The following PREX1 variants were observed in gnomAD, a reference collection of about 807,000 sequenced individuals.
The protein encoded by PREX1 is phosphatidylinositol-3,4,5-trisphosphate dependent Rac exchange factor 1, also known as phosphatidylinositol 3,4,5-trisphosphate-dependent Rac exchanger 1 protein.
PREX1 carries 41 observed loss-of-function variants against 198.3 expected under a neutral mutation model. That is an observed-to-expected ratio of 0.21 (90% CI 0.16 to 0.27). PREX1 has a LOEUF of 0.27. Ranked by LOEUF, PREX1 falls within the 10% of genes least tolerant of loss-of-function variation. The pLI is 1.00. For missense variants in PREX1, 1,620 were observed against 2,200.7 expected (o/e 0.74, Z 5.28); for synonymous variants, 843 against 887.2 (o/e 0.95, Z 0.89).
intron 1 of PREX1, among the ~76,000 whole-genome samples, chr20:48,772,426 C>T (rs756747505): frequency 4.6e-5 from 7 of 152,140 alleles, no homozygotes; most frequent in East Asian, 1.9e-4. Context: ...CTGGGTGAGA[C>T]GTGCCCATGG....
At chr20:48,779,806 G>C (rs1335875258) in intron 1 of PREX1, among the ~76,000 whole-genome samples, 1 of 152,180 alleles carries the variant, frequency 6.6e-6, no homozygotes, top group African/African-American at 2.4e-5. Context: ...AGAAAAGGCA[G>C]AACTACAGGG....
the PREX1 span, among the ~76,000 whole-genome samples, chr20:48,834,938 G>A: frequency 6.6e-6 from 1 of 152,048 alleles, no homozygotes; most frequent in Non-Finnish European, 1.5e-5. Context: ...TGTCTTTTTA[G>A]TAGAGATGGG....
At chr20:48,695,526 T>A (rs1568828144) in intron 7 of PREX1, among the ~76,000 whole-genome samples, 1 of 152,274 alleles carries the variant, frequency 6.6e-6, no homozygotes, top group Non-Finnish European at 1.5e-5. Context: ...TGTACTGATT[T>A]TCCCATGCCC....
upstream of PREX1, among the ~76,000 whole-genome samples, chr20:48,832,004 C>T (rs145707087): frequency 6.3e-3 from 964 of 152,168 alleles, 9 homozygotes; most frequent in African/African-American, 0.021. Context: ...CCCCATCACC[C>T]GTCCGGAATA....
At chr20:48,817,896 G>A (rs1234516441) in intron 1 of PREX1, among the ~76,000 whole-genome samples, 1 of 152,170 alleles carries the variant, frequency 6.6e-6, no homozygotes, top group Non-Finnish European at 1.5e-5. Context: ...CTCTTGGCAT[G>A]CCTGTGACAT....
At position 48,681,165 on chromosome 20, in the gene PREX1, G is replaced by A. The variant is rs1173861442; in HGVS notation, c.1435+70C>T. 8.3e-6 allele frequency: 11 copies of A among 1,326,968 alleles called. No individual in the cohort carries two copies. The East Asian group carries it at 1.6e-4, about 19-fold the overall frequency. The allele number at this position is 1,326,968 out of a possible 1,614,324, so 82.2% of individuals were successfully genotyped here. A position where few individuals can be genotyped will look rare whatever the true frequency, so the allele number is the denominator to read the frequency against. The stretch of plus-strand genomic sequence containing the variant: ...AGGATAGGAGCTGCCTGAGCTAGTG[G>A]AAGCATGGCACAGTTGGGGTCTGAC... On this transcript the variant is annotated intron_variant, in intron 11 of 39. Transcript: ENST00000371941.
At chr20:48,665,238 C>A (rs537922687) in intron 15 of PREX1, among the ~76,000 whole-genome samples, 79 of 148,148 alleles carry the variant, frequency 5.3e-4, no homozygotes, top group African/African-American at 1.9e-3. Flanking sequence ...ATCCTGGCTC[C>A]AGATGGCCTG....
chr20:48,653,584 AC>A, intron 19 of PREX1, 87 bp from the exon 20 acceptor site: 1 of 1,507,420 alleles, frequency 6.6e-7, no homozygotes, highest in South Asian at 1.2e-5. Context: ...CACCACTGCA[AC>A]CCCAGACACG....
At chr20:48,660,281 C>T (rs1314566800) in intron 15 of PREX1, among the ~76,000 whole-genome samples, 1 of 152,240 alleles carries the variant, frequency 6.6e-6, no homozygotes, top group Non-Finnish European at 1.5e-5. Flanking sequence ...GAACTTGCCT[C>T]ACCTGCTATA....
In PREX1 at chr20:48,632,344, C is replaced by T. The variant is rs766643614; in HGVS notation, c.4459G>A (p.Glu1487Lys). 6.2e-7 allele frequency: 1 copy of T among 1,614,080 alleles called. No individual in the cohort carries two copies. The highest frequency in any genetic ancestry group is 8.5e-7 in the Non-Finnish European group (1 of 1,180,024). Residue 1487 changes from glutamate to lysine, a missense_variant, in exon 35 of 40, where the codon GAG becomes AAG. This residue lies in a region of PREX1 where 476 missense variants were observed against 603.4 expected (regional missense o/e 0.79). Coordinates refer to ENST00000371941, the MANE Select transcript of PREX1 (RefSeq NM_020820.4). ...GLPSPGSQAA[E>K]DLQQDINAQS... ...GCGTTGATGTCCTGCTGCAAATCCTCCGCGGCCTGGCTGCCTGGAGAAGGC... is the reference window on the plus strand; with the variant it reads ...GCGTTGATGTCCTGCTGCAAATCCTTCGCGGCCTGGCTGCCTGGAGAAGGC...
intron 11 of PREX1, among the ~76,000 whole-genome samples, chr20:48,680,900 T>C (rs944918472): frequency 1.3e-5 from 2 of 152,198 alleles, no homozygotes; most frequent in Non-Finnish European, 2.9e-5. Context: ...CCTCCTCCCG[T>C]TCATTGTGGT....
At chr20:48,793,519 G>T (rs1044526813) in intron 1 of PREX1, among the ~76,000 whole-genome samples, 1 of 152,222 alleles carries the variant, frequency 6.6e-6, no homozygotes, top group East Asian at 1.9e-4. Context: ...GGTACAGAGA[G>T]ATTAAGGGTA....
intron 1 of PREX1, among the ~76,000 whole-genome samples, chr20:48,809,180 G>A (rs1210162951): frequency 6.6e-6 from 1 of 152,226 alleles, no homozygotes; most frequent in East Asian, 1.9e-4. Flanking sequence ...AATAGTCAAG[G>A]AAGGCCTCCC....
chr20:48,881,368 T>A, the PREX1 span, among the ~76,000 whole-genome samples: 1 of 152,370 alleles, frequency 6.6e-6, no homozygotes, highest in South Asian at 2.1e-4. Flanking sequence ...GCTTTTAAGT[T>A]CAATTGACAG....
In PREX1 at chr20:48,691,042, G is replaced by A. The variant is rs1320758070; in HGVS notation, c.1091C>T (p.Thr364Met). The change falls in exon 9 of 40, where the codon ACG becomes ATG. Residue 364 changes from threonine (T) to methionine (M), a missense_variant. Thr to Met is a moderately conservative substitution (Grantham distance 81). Coordinates refer to ENST00000371941, the MANE Select transcript of PREX1 (RefSeq NM_020820.4). This position sits in a 1 kb window ranked among gnomAD's most constrained non-coding sequence, Gnocchi z 5.0. ...TVTNGWKIHNTAKNKWFVCMA... is the reference protein window; with the variant it reads ...TVTNGWKIHNMAKNKWFVCMA... ...GCAGACAAACCACTTATTCTTGGCCGTGTTGTGGATCTTCCAGCCGTTGGT... is the reference window on the plus strand; with the variant it reads ...GCAGACAAACCACTTATTCTTGGCCATGTTGTGGATCTTCCAGCCGTTGGT... The A allele has an allele frequency of 8.1e-6, 13 of 1,614,222 alleles. No homozygotes were observed. The highest frequency in any genetic ancestry group is 1.7e-5 in the Admixed American group (1 of 60,032).
intron 1 of PREX1, among the ~76,000 whole-genome samples, chr20:48,820,871 G>A (rs1006193077): frequency 2.9e-4 from 44 of 152,214 alleles, no homozygotes; most frequent in African/African-American, 9.2e-4. Flanking sequence ...CCAGACCAAC[G>A]CTAGGGCCAG....
intron 26 of PREX1, 47 bp downstream of exon 26, chr20:48,645,804 C>T (rs1276300675): frequency 2.5e-6 from 4 of 1,598,186 alleles, no homozygotes; most frequent in Non-Finnish European, 3.4e-6. Flanking sequence ...CCTCACCTGT[C>T]CAGGGCCATC....
chr20:48,640,256 C>T (rs1329247898), intron 29 of PREX1, among the ~76,000 whole-genome samples: 2 of 152,166 alleles, frequency 1.3e-5, no homozygotes, highest in Admixed American at 1.3e-4. Context: ...CTCATAGCCA[C>T]AACCAATTGA....
chr20:48,762,845 G>T (rs919868640), intron 1 of PREX1, among the ~76,000 whole-genome samples: 37 of 152,048 alleles, frequency 2.4e-4, no homozygotes, highest in Admixed American at 2.0e-3. Flanking sequence ...TGGGATTACA[G>T]GTGCATGCCT....
Sources: allele counts gnomAD v4.1 joint callset (sites outside exome capture counted in the v4.1 genomes callset), GRCh38; gene constraint gnomAD v4.1.1; regional missense constraint gnomAD v4.1.1; non-coding constraint Gnocchi (gnomAD v3.1); transcripts MANE v1.5; gene names NCBI Gene and HGNC (gene_info 2026-07-23, HGNC 2026-07-21).